Variants in TEP1 observed in about 807,000 individuals in gnomAD.
The protein encoded by TEP1 is telomerase associated protein 1.
Under a neutral mutation model 306.3 loss-of-function variants are expected in TEP1, and 241 were observed. The observed-to-expected ratio is 0.79, with a 90% CI of 0.71 to 0.88. The LOEUF (loss-of-function observed/expected upper bound fraction) is 0.88, where lower values mean the gene tolerates loss of function less well. Among genes scored for constraint, TEP1 ranks in the 40% least tolerant of loss-of-function variants. TEP1 has a pLI of 0.00. For missense variants in TEP1, 3,051 were observed against 3,276.1 expected (o/e 0.93, Z 1.68); for synonymous variants, 1,289 against 1,305.5 (o/e 0.99, Z 0.27).
Position 20,401,527 on chromosome 14 carries a change from G to A in TEP1, c.1321C>T (p.Leu441=). 1 of 1,614,240 alleles carries A rather than the reference G, an allele frequency of 6.2e-7. No individual in the cohort carries two copies. Among genetic ancestry groups the A allele is most frequent in the Non-Finnish European group, 8.5e-7 (1 of 1,180,050 alleles). The change falls in exon 8 of 55, where the codon CTG becomes TTG. Residue 441 remains leucine (L), a synonymous_variant. Transcript: ENST00000262715. ...SEKKNPPRFT[L]KKLVQRLHIH... ...TGCAGTCGCTGAACCAGCTTCTTCAGGGTGAACCTTGGAGGATTCTTTTTC... is the reference window on the plus strand; with the variant it reads ...TGCAGTCGCTGAACCAGCTTCTTCAAGGTGAACCTTGGAGGATTCTTTTTC...
chr14:20,390,225 T>A (rs577976422), intron 15 of TEP1, among the ~76,000 whole-genome samples: 1 of 152,124 alleles, frequency 6.6e-6, no homozygotes, highest in Admixed American at 6.6e-5. Flanking sequence ...TGAGACCCTG[T>A]CTCAAAAAAT....
rs769391051 is a variant in TEP1, at chr14:20,382,700, C to T, written c.4063G>A (p.Val1355Met). 37 of 1,613,952 alleles carry T rather than the reference C, an allele frequency of 2.3e-5. No individual in the cohort carries two copies. The highest frequency in any genetic ancestry group is 6.6e-5 in the South Asian group (6 of 91,090). The stretch of plus-strand genomic sequence containing the variant: ...AGCGGCCGGCCTGATTCCCGCTTCA[C>T]CAGCAGCAGTCGCATCTGGCAAGAC... ...PFNNQMRLLL[V>M]KRESGRPLYL... The change falls in exon 28 of 55, where the codon GTG becomes ATG. Residue 1355 changes from valine to methionine, a missense_variant. By Grantham distance (21) the Val-to-Met change is conservative. Around this residue, in one of 3 missense-constraint regions of TEP1, gnomAD observed 1,540 missense variants for 1,705.9 expected, o/e 0.90. Coordinates refer to ENST00000262715, the MANE Select transcript of TEP1 (RefSeq NM_007110.5).
Position 20,390,954 on chromosome 14 carries a change from A to AGCTTGAT in TEP1, c.2233_2239dup (p.Leu747HisfsTer11). 1 of 1,614,046 alleles carries AGCTTGAT rather than the reference A, an allele frequency of 6.2e-7. No individual in the cohort carries two copies. Among genetic ancestry groups the AGCTTGAT allele is most frequent in the Non-Finnish European group, 8.5e-7 (1 of 1,179,988 alleles). ...GTGTCTGACCTGGACTTGAGCCTGGAGCTTGATGGCAGTCTTCAGGATGCC... is the reference window on the plus strand; with the variant it reads ...GTGTCTGACCTGGACTTGAGCCTGGAGCTTGATGCTTGATGGCAGTCTTCAGGATGCC... On this transcript the variant is annotated frameshift_variant, in exon 14 of 55. Coordinates refer to ENST00000262715, the MANE Select transcript of TEP1 (RefSeq NM_007110.5). LOFTEE classifies it high-confidence loss of function.
At chr14:20,398,273 G>A (rs1262240840) in intron 9 of TEP1, among the ~76,000 whole-genome samples, 1 of 151,374 alleles carries the variant, frequency 6.6e-6, no homozygotes, top group Non-Finnish European at 1.5e-5. Flanking sequence ...AGCTAATCAG[G>A]AGGCTGAAGC....
Position 20,391,162 on chromosome 14 carries a change from C to T in TEP1, c.2098-66G>A, listed in dbSNP as rs902317945. The T allele has an allele frequency of 1.4e-5, 21 of 1,541,570 alleles. No individual in the cohort carries two copies. The East Asian group carries it at 3.9e-4, about 28-fold the overall frequency. ...TTGGAATTCACCCTTGCCCAGCCAGCCCTGGAGGCCAAACCCTTCCATTGG... is the reference window on the plus strand; with the variant it reads ...TTGGAATTCACCCTTGCCCAGCCAGTCCTGGAGGCCAAACCCTTCCATTGG... On this transcript the variant is annotated intron_variant, in intron 13 of 54. Transcript: ENST00000262715.
At chr14:20,374,584 C>T (rs1885061784) in intron 43 of TEP1, 48 bp from the exon 44 acceptor site, 16 of 1,426,734 alleles carry the variant, frequency 1.1e-5, no homozygotes, top group Non-Finnish European at 1.6e-5. Flanking sequence ...ATCCCTCCAG[C>T]ATTTTGGTAT....
At position 20,387,728 on chromosome 14, in the gene TEP1, G is replaced by A. The variant is rs147616762; in HGVS notation, c.2684+177C>T. Among the ~76,000 whole-genome samples, 486 of 152,304 alleles carry A rather than the reference G, an allele frequency of 3.2e-3. 3 individuals are homozygous for A. Among genetic ancestry groups the A allele is most frequent in the African/African-American group, 0.011 (457 of 41,546 alleles). On this transcript the variant is annotated intron_variant, in intron 18 of 54. Coordinates refer to ENST00000262715, the MANE Select transcript of TEP1 (RefSeq NM_007110.5). The stretch of plus-strand genomic sequence containing the variant: ...CCTTTCCTCAGTAGAGAAAGGAAGG[G>A]CTTGCTCACAATCTGACAACTCCCT...
In TEP1 at chr14:20,387,984, G is replaced by A; in HGVS notation, c.2605C>T (p.Pro869Ser). 6.2e-7 allele frequency: 1 copy of A among 1,614,118 alleles called. No homozygotes were observed. Among genetic ancestry groups the A allele is most frequent in the Non-Finnish European group, 8.5e-7 (1 of 1,179,998 alleles). Residue 869 changes from proline (P) to serine (S), a missense_variant, in exon 18 of 55, where the codon CCA becomes TCA. This residue lies in a region of TEP1 where 1,507 missense variants were observed against 1,550.5 expected (regional missense o/e 0.97). Coordinates refer to ENST00000262715, the MANE Select transcript of TEP1 (RefSeq NM_007110.5). ...MDKIFKIPPP[P>S]GKTGVQSLRP... Reference sequence around the variant, plus strand: ...AGAGACTGGACCCCTGTCTTTCCTGGGGGTGGTGGAATCTTGAATATTTTG... The same window carrying A: ...AGAGACTGGACCCCTGTCTTTCCTGAGGGTGGTGGAATCTTGAATATTTTG...
Position 20,381,044 on chromosome 14 carries a change from A to G in TEP1, c.4649T>C (p.Leu1550Pro). 1 of 1,613,502 alleles carries G rather than the reference A, an allele frequency of 6.2e-7. No individual in the cohort carries two copies. Among genetic ancestry groups the G allele is most frequent in the Non-Finnish European group, 8.5e-7 (1 of 1,179,418 alleles). Reference protein sequence around the residue: ...EALGDLPYHLLQSGNRGLLSK... With the variant: ...EALGDLPYHLPQSGNRGLLSK... ...AAGAAGTCCACGGTTCCCGCTCTGG[A>G]GCTGAGAAGGTCAGATTGAATTCAT... The change falls in exon 33 of 55, where the codon CTC (leucine) becomes CCC (proline). Residue 1550 changes from leucine (L) to proline (P), a missense_variant and splice_region_variant. Coordinates refer to ENST00000262715, the MANE Select transcript of TEP1 (RefSeq NM_007110.5). The surrounding 1 kb of genome is among the most constrained non-coding windows in gnomAD (Gnocchi z 4.0).
intron 51 of TEP1, among the ~76,000 whole-genome samples, chr14:20,370,258 G>A (rs1049298386): frequency 1.3e-5 from 2 of 152,152 alleles, no homozygotes; most frequent in Non-Finnish European, 2.9e-5. Flanking sequence ...ATTTTTACAT[G>A]TGCATCCACC....
Position 20,390,696 on chromosome 14 carries a change from A to C in TEP1, c.2319T>G (p.Ala773=). Residue 773 remains alanine (A), a synonymous_variant, in exon 15 of 55, where the codon GCT becomes GCG. Coordinates refer to ENST00000262715, the MANE Select transcript of TEP1 (RefSeq NM_007110.5). ...NTFGKYLLSL[A]GQRVPVDRVI... is the part of the protein sequence containing the mutation. The stretch of plus-strand genomic sequence containing the variant: ...TAATACTCACAGGAACCCTTTGGCC[A>C]GCCAGAGACAGCAGGTATTTCCCAA... 6.2e-7 allele frequency: 1 copy of C among 1,614,248 alleles called. No homozygotes were observed. Among genetic ancestry groups the C allele is most frequent in the Non-Finnish European group, 8.5e-7 (1 of 1,180,042 alleles).
At position 20,380,447 on chromosome 14, in the gene TEP1, C is replaced by A. The variant is rs1440345412; in HGVS notation, c.4791G>T (p.Lys1597Asn). Residue 1597 changes from lysine (K) to asparagine (N), a missense_variant, in exon 34 of 55, where the codon AAG becomes AAT. By Grantham distance (94) the Lys-to-Asn change is moderately conservative (BLOSUM62 0). This residue lies in a region of TEP1 where 1,540 missense variants were observed against 1,705.9 expected (regional missense o/e 0.90). Coordinates refer to ENST00000262715, the MANE Select transcript of TEP1 (RefSeq NM_007110.5). ...ACACTGCAACGTCAGCCTCGGGGAG[C>A]TTTTGTTCCTCTTTGGGGACTGAAG... ...YASSVPKEEQ[K>N]LPEADVAVFR... 4.3e-6 allele frequency: 7 copies of A among 1,613,692 alleles called. No individual in the cohort carries two copies. The highest frequency in any genetic ancestry group is 2.7e-5 in the African/African-American group (2 of 74,930).
In TEP1 at chr14:20,369,626, C is replaced by T. The variant is rs768511166; in HGVS notation, c.7423+48G>A. ...AGCCAAGTCTCAGGGATCTGCCATC[C>T]ACCCTGGGCCATCTCCCGGCTCCTC... On this transcript the variant is annotated intron_variant, in intron 52 of 54. Transcript: ENST00000262715. 42 of 1,612,172 alleles carry T rather than the reference C, an allele frequency of 2.6e-5. No homozygotes were observed. In the East Asian group the frequency reaches 7.1e-4, roughly 27 times the overall value.
intron 9 of TEP1, among the ~76,000 whole-genome samples, chr14:20,398,721 C>T (rs1878427307): frequency 6.6e-6 from 1 of 152,046 alleles, no homozygotes; most frequent in African/African-American, 2.4e-5. Flanking sequence ...GACAGAGGTG[C>T]ATTCAAACCA....
At chr14:20,378,723 C>T (rs370035144) in intron 37 of TEP1, 31 bp downstream of exon 37, 1 of 1,607,694 alleles carries the variant, frequency 6.2e-7, no homozygotes, top group Non-Finnish European at 8.5e-7. Flanking sequence ...GGCTCAGGGC[C>T]ACTCTGACCA....
At chr14:20,412,709 G>A (rs1879769919) in intron 1 of TEP1, among the ~76,000 whole-genome samples, 1 of 139,436 alleles carries the variant, frequency 7.2e-6, no homozygotes, top group African/African-American at 2.7e-5. Context: ...TTTTGAGGCG[G>A]AGTCTGGCTC....
In TEP1 at chr14:20,368,612, C is replaced by T; in HGVS notation, c.7762-53G>A. On this transcript the variant is annotated intron_variant, in intron 54 of 54. Transcript: ENST00000262715. ...TCAGGGCTACAAGCCTCCTTACTAA[C>T]TTATTTTTTCTCACATTAATGCCTT... 1.1e-5 allele frequency: 17 copies of T among 1,605,684 alleles called. No individual in the cohort carries two copies. In the East Asian group the frequency reaches 2.7e-4, roughly 25 times the overall value.
At chr14:20,401,709 C>A (rs1566479445) in intron 7 of TEP1, 128 bp from the exon 8 acceptor site, 32 of 1,395,276 alleles carry the variant, frequency 2.3e-5, no homozygotes, top group Non-Finnish European at 3.1e-5. Context: ...ATAGATTTGG[C>A]CAAGGAGCAG....
At chr14:20,371,020 C>T (rs1417727357) in intron 51 of TEP1, among the ~76,000 whole-genome samples, 198 bp downstream of exon 51, 3 of 152,326 alleles carry the variant, frequency 2.0e-5, no homozygotes, top group South Asian at 4.1e-4. Flanking sequence ...ACGGTAGAGT[C>T]CTTTCTTGTA....
Sources: gnomAD v4.1 joint callset for allele counts (sites outside exome capture counted in the v4.1 genomes callset) on GRCh38, gnomAD v4.1.1 for gene constraint, gnomAD v4.1.1 regional missense constraint, Gnocchi (gnomAD v3.1) non-coding constraint, MANE v1.5 for transcripts, NCBI Gene and HGNC (gene_info 2026-07-23, HGNC 2026-07-21) for gene names.